Variants in WDR89 observed in about 807,000 individuals in gnomAD.
The protein encoded by WDR89 is WD repeat domain 89.
Under a neutral mutation model 29.1 loss-of-function variants are expected in WDR89, and 17 were observed. That is an observed-to-expected ratio of 0.58 (90% CI 0.40 to 0.88). WDR89 has a LOEUF of 0.88. WDR89 is among the 40% of genes least tolerant of loss of function. WDR89 has a pLI of 0.00. For missense variants in WDR89, 396 were observed against 456.3 expected (o/e 0.87, Z 1.20); for synonymous variants, 138 against 157.8 (o/e 0.87, Z 0.94).
chr14:63,629,703 G>A (rs1464029827), intron 1 of WDR89, among the ~76,000 whole-genome samples: 1 of 152,212 alleles, frequency 6.6e-6, no homozygotes, highest in Non-Finnish European at 1.5e-5. Flanking sequence ...CGACATTGAA[G>A]CAAGCAGCAG....
chr14:63,625,919 T>C (rs1202658041), intron 1 of WDR89, among the ~76,000 whole-genome samples: 2 of 151,646 alleles, frequency 1.3e-5, no homozygotes, highest in African/African-American at 4.9e-5. Flanking sequence ...AGCAGCGTGA[T>C]CTCAGCTCAC....
chr14:63,605,361 A>G (rs1012330798), intron 2 of WDR89, among the ~76,000 whole-genome samples: 1 of 152,158 alleles, frequency 6.6e-6, no homozygotes, highest in Non-Finnish European at 1.5e-5. Context: ...CAGTCATATA[A>G]AAGTATAGTG....
At chr14:63,639,879 G>C (rs1166473718) in intron 1 of WDR89, among the ~76,000 whole-genome samples, 1 of 152,190 alleles carries the variant, frequency 6.6e-6, no homozygotes, top group African/African-American at 2.4e-5. Context: ...CCACTTGGGA[G>C]GCTGAGGCAG....
At chr14:63,630,040 C>T (rs759559924) in intron 1 of WDR89, among the ~76,000 whole-genome samples, 9 of 152,062 alleles carry the variant, frequency 5.9e-5, no homozygotes, top group Non-Finnish European at 1.3e-4. Flanking sequence ...TGCTGCCTCC[C>T]AGGTTCAAGC....
At chr14:63,641,652 G>A (rs922318158) in intron 1 of WDR89, among the ~76,000 whole-genome samples, 152 bp downstream of exon 1, 4 of 152,240 alleles carry the variant, frequency 2.6e-5, no homozygotes, top group Non-Finnish European at 5.9e-5. Flanking sequence ...CTGCCAACAC[G>A]TGCACACTCC....
At chr14:63,601,476 A>T in intron 2 of WDR89, 6 of 1,219,756 alleles carry the variant, frequency 4.9e-6, no homozygotes, top group Non-Finnish European at 6.1e-6. Context: ...TCTTGACACT[A>T]GAGCAGAGTA....
intron 1 of WDR89, among the ~76,000 whole-genome samples, chr14:63,640,433 A>C (rs1884031477): frequency 6.6e-6 from 1 of 152,040 alleles, no homozygotes; most frequent in South Asian, 2.1e-4. Context: ...TTTCCTCTAG[A>C]TCATTTTACC....
At chr14:63,609,789 CA>C (rs1218527340) in intron 2 of WDR89, among the ~76,000 whole-genome samples, 2 of 150,630 alleles carry the variant, frequency 1.3e-5, no homozygotes, top group Non-Finnish European at 3.0e-5. Flanking sequence ...ACTGTCTCAA[CA>C]AAAAAATAAA....
intron 2 of WDR89, among the ~76,000 whole-genome samples, chr14:63,624,497 C>A (rs1411635274): frequency 8.8e-5 from 12 of 136,718 alleles, no homozygotes; most frequent in South Asian, 2.3e-4. Flanking sequence ...AAACAAAAAA[C>A]AAAAAGAAAT....
At chr14:63,605,199 T>C (rs1389945654) in intron 2 of WDR89, among the ~76,000 whole-genome samples, 1 of 121,442 alleles carries the variant, frequency 8.2e-6, no homozygotes, top group Non-Finnish European at 1.6e-5. Flanking sequence ...CACACACATA[T>C]ATACATACAC....
chr14:63,622,324 A>C (rs1882749903), intron 2 of WDR89, among the ~76,000 whole-genome samples: 1 of 152,216 alleles, frequency 6.6e-6, no homozygotes, highest in African/African-American at 2.4e-5. Context: ...TCATGCCTGT[A>C]ATCCCAGGAC....
intron 2 of WDR89, among the ~76,000 whole-genome samples, chr14:63,615,021 A>G (rs1882218311): frequency 1.3e-5 from 2 of 152,226 alleles, no homozygotes; most frequent in South Asian, 4.1e-4. Context: ...TTTAAAGTAC[A>G]GGAATCTGTT....
intron 1 of WDR89, among the ~76,000 whole-genome samples, chr14:63,628,824 T>C (rs1883225253): frequency 6.6e-6 from 1 of 151,802 alleles, no homozygotes. Flanking sequence ...TAGCCAGGCA[T>C]GGTGACGTGC....
At chr14:63,641,135 A>G (rs1884101621) in intron 1 of WDR89, among the ~76,000 whole-genome samples, 1 of 151,440 alleles carries the variant, frequency 6.6e-6, no homozygotes, top group Non-Finnish European at 1.5e-5. Flanking sequence ...AAAGAAAAAC[A>G]AAAAAGAAAA....
chr14:63,598,755 C>T lies in WDR89; in HGVS notation c.*24G>A. On this transcript the variant is annotated 3_prime_UTR_variant, in exon 3 of 3. Transcript: ENST00000620954. ...GGACTATTTGAAACTATAAAACCTA[C>T]CAAACAAAGTGCCAAATGCATTATC... The T allele has an allele frequency of 1.9e-6, 3 of 1,542,414 alleles. No homozygotes were observed. The highest frequency in any genetic ancestry group is 2.3e-5 in the East Asian group (1 of 44,386).
intron 1 of WDR89, among the ~76,000 whole-genome samples, chr14:63,641,006 G>A (rs1232521379): frequency 1.5e-4 from 22 of 148,546 alleles, no homozygotes; most frequent in African/African-American, 5.2e-4. Context: ...GCTGAGGCTG[G>A]AGAATCGCTT....
chr14:63,601,660 G>C, intron 2 of WDR89: 9 of 1,613,066 alleles, frequency 5.6e-6, no homozygotes, highest in Non-Finnish European at 7.6e-6. Flanking sequence ...GTTGGATCGG[G>C]TTCTAAAGGA....
chr14:63,624,870 T>A (rs1374033427), intron 2 of WDR89, 58 bp downstream of exon 2: 1 of 152,194 alleles, frequency 6.6e-6, no homozygotes, highest in East Asian at 1.9e-4. Flanking sequence ...TGGTAAAATG[T>A]TACAGCCACT....
At chr14:63,607,629 C>A (rs1881657903) in intron 2 of WDR89, among the ~76,000 whole-genome samples, 1 of 151,812 alleles carries the variant, frequency 6.6e-6, no homozygotes, top group African/African-American at 2.4e-5. Flanking sequence ...CATCTGTAAT[C>A]CCAGCACTTT....
Sources: gnomAD v4.1 joint callset for allele counts (sites outside exome capture counted in the v4.1 genomes callset) on GRCh38, gnomAD v4.1.1 for gene constraint, MANE v1.5 for transcripts, NCBI Gene and HGNC (gene_info 2026-07-23, HGNC 2026-07-21) for gene names.